The following ANO3 variants were observed in gnomAD, a reference collection of about 807,000 sequenced individuals.
ANO3 encodes anoctamin 3.
Under a neutral mutation model 144.8 loss-of-function variants are expected in ANO3, and 99 were observed. The ratio of observed to expected loss-of-function variants is 0.68; its 90% CI spans 0.58 to 0.81. ANO3 has a LOEUF of 0.81. Ranked by LOEUF, ANO3 falls within the 30% of genes least tolerant of loss-of-function variation. The probability of loss-of-function intolerance (pLI) is 0.00; values close to 1 mark genes in which losing one functional copy is unlikely to be tolerated. For missense variants in ANO3, 905 were observed against 1,202.2 expected (o/e 0.75, Z 3.66); for synonymous variants, 414 against 392.6 (o/e 1.05, Z -0.64).
intron 1 of ANO3, among the ~76,000 whole-genome samples, chr11:26,441,136 GAGACGGAGTCTC>G (rs1475631916): frequency 3.5e-3 from 20 of 5,790 alleles, no homozygotes; most frequent in Admixed American, 0.01. Flanking sequence ...TTTTTTTTTT[GAGACGGAGTCTC>G]GCTCTGTCGC....
chr11:26,429,859 T>C (rs1468138924), intron 1 of ANO3, among the ~76,000 whole-genome samples: 1 of 152,128 alleles, frequency 6.6e-6, no homozygotes, highest in Admixed American at 6.6e-5. Flanking sequence ...AATAGAATTA[T>C]AGGAAATGCA....
intron 4 of ANO3, among the ~76,000 whole-genome samples, chr11:26,503,317 T>C (rs1861273752): frequency 6.6e-6 from 1 of 152,172 alleles, no homozygotes; most frequent in Non-Finnish European, 1.5e-5. Flanking sequence ...TTTGGACAAC[T>C]GTTATTATAC....
chr11:26,271,926 C>A (rs974522277), intron 1 of ANO3, among the ~76,000 whole-genome samples: 1 of 152,016 alleles, frequency 6.6e-6, no homozygotes, highest in African/African-American at 2.4e-5. Flanking sequence ...TTAGAAAGGG[C>A]TAGCAGCAAT....
At chr11:26,449,491 A>T (rs112737052) in intron 3 of ANO3, among the ~76,000 whole-genome samples, 97,089 of 130,986 alleles carry the variant, frequency 0.74, 33,216 homozygotes, top group East Asian at 0.88. Flanking sequence ...TCTCTCTCAC[A>T]CACACACACA....
intron 5 of ANO3, among the ~76,000 whole-genome samples, chr11:26,515,514 G>A (rs567734540): frequency 5.3e-5 from 8 of 152,036 alleles, no homozygotes; most frequent in African/African-American, 1.7e-4. Context: ...GGTTCTCTAA[G>A]TATTGTTTAG....
At chr11:26,375,392 A>G (rs193179768) in intron 1 of ANO3, among the ~76,000 whole-genome samples, 1 of 152,296 alleles carries the variant, frequency 6.6e-6, no homozygotes, top group East Asian at 1.9e-4. Flanking sequence ...GGACCTTGGT[A>G]TAAGGAACTC....
At chr11:26,594,616 C>A (rs1485548173) in intron 14 of ANO3, among the ~76,000 whole-genome samples, 1 of 152,088 alleles carries the variant, frequency 6.6e-6, no homozygotes, top group East Asian at 1.9e-4. Context: ...TACTGGCACT[C>A]TTGGGTTCAT....
At chr11:26,277,511 A>T (rs987753943) in intron 1 of ANO3, among the ~76,000 whole-genome samples, 3 of 152,120 alleles carry the variant, frequency 2.0e-5, no homozygotes, top group Non-Finnish European at 4.4e-5. Flanking sequence ...TAAAACTTTC[A>T]CAATTTGTCT....
At chr11:26,571,629 C>A (rs181032790) in intron 14 of ANO3, among the ~76,000 whole-genome samples, 1 of 152,142 alleles carries the variant, frequency 6.6e-6, no homozygotes. Flanking sequence ...AAGCAAAAAC[C>A]TTTCAGCACA....
At position 26,653,037 on chromosome 11, in the gene ANO3, G is replaced by T. The variant is rs188202217; in HGVS notation, c.2577-3088G>T. 1.1e-3 allele frequency among the ~76,000 whole-genome samples: 174 copies of T among 152,270 alleles called. 1 individual carries two copies. Among genetic ancestry groups the T allele is most frequent in the African/African-American group, 4.0e-3 (165 of 41,562 alleles). ...TAGTTCTCCTCATCTCTCAGCTTTA[G>T]TTTTGGAGTTCCCCAAGGGCTCAAT... is the stretch of plus-strand genomic sequence containing the variant. On this transcript the variant is annotated intron_variant, in intron 24 of 26. Coordinates refer to ENST00000256737, the MANE Select transcript of ANO3 (RefSeq NM_031418.4).
chr11:26,426,482 T>G (rs1857923828), intron 1 of ANO3, among the ~76,000 whole-genome samples: 1 of 151,126 alleles, frequency 6.6e-6, no homozygotes, highest in Admixed American at 6.6e-5. Context: ...AGAGAAACAC[T>G]CAAGATTTGA....
chr11:26,350,835 G>C (rs1023093507), intron 1 of ANO3, among the ~76,000 whole-genome samples: 1 of 152,074 alleles, frequency 6.6e-6, no homozygotes, highest in African/African-American at 2.4e-5. Flanking sequence ...ACTGTGAAAG[G>C]TAAGTCTAAA....
chr11:26,383,904 T>C (rs1379440683), intron 1 of ANO3, among the ~76,000 whole-genome samples: 2 of 130,104 alleles, frequency 1.5e-5, no homozygotes, highest in African/African-American at 5.7e-5. Context: ...TTTTTTTTTT[T>C]TTTTTTTTTT....
intron 1 of ANO3, among the ~76,000 whole-genome samples, chr11:26,240,107 T>A (rs1053255937): frequency 3.3e-5 from 5 of 152,194 alleles, no homozygotes; most frequent in Admixed American, 2.0e-4. Flanking sequence ...TAATTTTTCA[T>A]CTACAAAATC....
At chr11:26,361,808 T>G (rs1440751296) in intron 1 of ANO3, among the ~76,000 whole-genome samples, 1 of 152,214 alleles carries the variant, frequency 6.6e-6, no homozygotes, top group Non-Finnish European at 1.5e-5. Flanking sequence ...TTACCTTCAC[T>G]CTTTACAATT....
Position 26,662,122 on chromosome 11 carries a change from T to C in ANO3, c.*1678T>C. 6.6e-6 allele frequency: 1 copy of C among 152,198 alleles called. No individual in the cohort carries two copies. The highest frequency in any genetic ancestry group is 1.9e-4 in the East Asian group (1 of 5,184). The allele number at this position is 152,198 out of a possible 1,614,324, so 9.4% of individuals were successfully genotyped here. A position where few individuals can be genotyped will look rare whatever the true frequency, so the allele number is the denominator to read the frequency against. On this transcript the variant is annotated 3_prime_UTR_variant, in exon 27 of 27. Coordinates refer to ENST00000256737, the MANE Select transcript of ANO3 (RefSeq NM_031418.4). ...AAATATTAACACTGAAAATGTTTTG[T>C]TAGCTTTTCCTTCTTTCTCTCCAGA...
chr11:26,631,918 G>A (rs1475294734), intron 18 of ANO3, among the ~76,000 whole-genome samples: 2 of 152,036 alleles, frequency 1.3e-5, no homozygotes, highest in Admixed American at 6.5e-5. Flanking sequence ...GGTGGTTCAC[G>A]CCTGTGATCT....
chr11:26,369,510 T>A (rs1048303994), intron 1 of ANO3, among the ~76,000 whole-genome samples: 2 of 152,182 alleles, frequency 1.3e-5, no homozygotes, highest in African/African-American at 4.8e-5. Context: ...AGCTAATTTT[T>A]AAATATTTTC....
chr11:26,520,384 A>G (rs1394739887), intron 6 of ANO3, among the ~76,000 whole-genome samples: 6 of 152,262 alleles, frequency 3.9e-5, no homozygotes, highest in African/African-American at 1.2e-4. Flanking sequence ...AAAGGGGGGG[A>G]AAACATGGAA....
Sources: gnomAD v4.1 joint callset for allele counts (sites outside exome capture counted in the v4.1 genomes callset) on GRCh38, gnomAD v4.1.1 for gene constraint, MANE v1.5 for transcripts, NCBI Gene and HGNC (gene_info 2026-07-23, HGNC 2026-07-21) for gene names.